The following SAMSN1 variants were observed in gnomAD, a reference collection of about 807,000 sequenced individuals.
SAMSN1 encodes the protein SAM domain, SH3 domain and nuclear localization signals 1, also known as SAM domain-containing protein SAMSN-1.
A neutral mutation model predicts 42.0 loss-of-function variants in SAMSN1; 31 were observed. The observed-to-expected ratio is 0.74, with a 90% CI of 0.55 to 1.00. SAMSN1 has a LOEUF of 1.00. Ranked by LOEUF, SAMSN1 falls within the 50% of genes least tolerant of loss-of-function variation. The pLI is 0.00. For missense variants in SAMSN1, 464 were observed against 439.4 expected, an observed-to-expected ratio of 1.06 and a Z score of -0.50; for synonymous variants, 178 against 151.9, an observed-to-expected ratio of 1.17 and a Z score of -1.26.
In SAMSN1 at chr21:14,485,777, T is replaced by C. The variant is rs1377463112; in HGVS notation, c.*135A>G. The stretch of plus-strand genomic sequence containing the variant: ...TAGAGATACAAAATTTTATGTACAA[T>C]TATTCAGATTAAAACATTTAAACTT... On this transcript the variant is annotated 3_prime_UTR_variant, in exon 8 of 8. Transcript: ENST00000400566. 8 of 647,856 alleles carry C rather than the reference T, an allele frequency of 1.2e-5. No homozygotes were observed. Among genetic ancestry groups the C allele is most frequent in the Non-Finnish European group, 2.1e-5 (8 of 378,680 alleles). 40.1% of individuals were successfully genotyped at this position (647,856 alleles called of 1,614,324 possible).
chr21:14,518,319 A>G (rs933819067), intron 2 of SAMSN1, among the ~76,000 whole-genome samples: 2 of 152,184 alleles, frequency 1.3e-5, no homozygotes, highest in Non-Finnish European at 1.5e-5. Context: ...GTCTCCCACT[A>G]TGATGCATGC....
chr21:14,581,495 A>G (rs1981728791), intron 2 of SAMSN1, among the ~76,000 whole-genome samples: 1 of 150,318 alleles, frequency 6.7e-6, no homozygotes, highest in Non-Finnish European at 1.5e-5. Flanking sequence ...AGTAGCTGGA[A>G]CTACAGGTGC....
At chr21:14,602,720 C>T (rs74560183) in intron 5 of SAMSN1, among the ~76,000 whole-genome samples, 1 of 152,274 alleles carries the variant, frequency 6.6e-6, no homozygotes, top group Non-Finnish European at 1.5e-5. Flanking sequence ...GTCACTTAAT[C>T]CAAGCCTCTT....
chr21:14,556,532 C>A (rs1000318316), intron 2 of SAMSN1, among the ~76,000 whole-genome samples: 9 of 152,142 alleles, frequency 5.9e-5, no homozygotes, highest in African/African-American at 2.2e-4. Flanking sequence ...TTAGGCTGTT[C>A]CAATTAAATG....
At chr21:14,654,891 A>G (rs1349343716) in intron 1 of SAMSN1, among the ~76,000 whole-genome samples, 1 of 151,912 alleles carries the variant, frequency 6.6e-6, no homozygotes, top group Non-Finnish European at 1.5e-5. Context: ...AGAAGAAGAA[A>G]AAGAGTTGTC....
intron 3 of SAMSN1, 92 bp from the exon 4 acceptor site, chr21:14,512,665 C>A: frequency 8.5e-7 from 1 of 1,172,920 alleles, no homozygotes; most frequent in African/African-American, 1.5e-5. Context: ...CATATTTTAG[C>A]AATAAAATAC....
chr21:14,569,750 T>A (rs1027396395), intron 2 of SAMSN1, among the ~76,000 whole-genome samples: 1 of 152,210 alleles, frequency 6.6e-6, no homozygotes, highest in Non-Finnish European at 1.5e-5. Flanking sequence ...ACAACTACTG[T>A]ATTCCTGATA....
intron 2 of SAMSN1, among the ~76,000 whole-genome samples, chr21:14,622,665 G>C (rs1983045775): frequency 6.6e-6 from 1 of 152,188 alleles, no homozygotes; most frequent in African/African-American, 2.4e-5. Flanking sequence ...GAAAGTGACG[G>C]GGAGAATGGA....
chr21:14,601,905 A>G (rs1459948277), intron 6 of SAMSN1: 4 of 403,346 alleles, frequency 9.9e-6, no homozygotes, highest in Non-Finnish European at 1.4e-5. Context: ...ACCTATAATA[A>G]CTAAATAGAA....
At chr21:14,620,061 T>G (rs1457610004) in intron 2 of SAMSN1, among the ~76,000 whole-genome samples, 1 of 152,164 alleles carries the variant, frequency 6.6e-6, no homozygotes, top group Non-Finnish European at 1.5e-5. Context: ...TATGGCCTGT[T>G]TCAGGGGAGA....
chr21:14,646,266 A>T (rs1983710970), intron 1 of SAMSN1, among the ~76,000 whole-genome samples: 1 of 152,210 alleles, frequency 6.6e-6, no homozygotes, highest in Non-Finnish European at 1.5e-5. Context: ...TCTAAAAGCC[A>T]CAAGAGAAAA....
chr21:14,500,838 G>A (rs778466994), intron 5 of SAMSN1, 103 bp from the exon 6 acceptor site: 6 of 881,680 alleles, frequency 6.8e-6, no homozygotes, highest in African/African-American at 1.7e-5. Flanking sequence ...ATGCTAAAGG[G>A]GTTCAGATAT....
intron 2 of SAMSN1, among the ~76,000 whole-genome samples, chr21:14,574,497 C>A (rs1421076655): frequency 6.6e-6 from 1 of 152,106 alleles, no homozygotes; most frequent in African/African-American, 2.4e-5. Flanking sequence ...AAGAGGGATT[C>A]TTGGTTTCCA....
At chr21:14,492,317 C>A (rs912412670) in intron 7 of SAMSN1, among the ~76,000 whole-genome samples, 7 of 152,160 alleles carry the variant, frequency 4.6e-5, no homozygotes, top group African/African-American at 1.7e-4. Flanking sequence ...TACTCGAATA[C>A]CGATCTGCTT....
chr21:14,503,481 G>A (rs1239117984), intron 5 of SAMSN1, among the ~76,000 whole-genome samples: 2 of 152,138 alleles, frequency 1.3e-5, no homozygotes, highest in Non-Finnish European at 2.9e-5. Flanking sequence ...GAATTCAGTT[G>A]AGCCCATAAT....
intron 5 of SAMSN1, among the ~76,000 whole-genome samples, chr21:14,604,561 C>T (rs1158724938): frequency 6.6e-6 from 1 of 152,012 alleles, no homozygotes; most frequent in Non-Finnish European, 1.5e-5. Flanking sequence ...AGCAAAAAAA[C>T]AAAAAAACAA....
At chr21:14,529,273 A>T (rs1979083569) in intron 1 of SAMSN1, among the ~76,000 whole-genome samples, 2 of 152,200 alleles carry the variant, frequency 1.3e-5, no homozygotes, top group African/African-American at 2.4e-5. Context: ...TTCCGATGCC[A>T]TTTAGTGAAC....
At chr21:14,580,586 A>T (rs1176371267) in intron 2 of SAMSN1, among the ~76,000 whole-genome samples, 1 of 152,236 alleles carries the variant, frequency 6.6e-6, no homozygotes, top group African/African-American at 2.4e-5. Context: ...TTAAAGAAGA[A>T]GGAGGATATT....
chr21:14,502,046 A>G (rs1296773109), intron 5 of SAMSN1, among the ~76,000 whole-genome samples: 7 of 152,240 alleles, frequency 4.6e-5, no homozygotes, highest in Non-Finnish European at 1.5e-5. Context: ...AGGACTTTAC[A>G]GATTCTAATA....
Sources: gnomAD v4.1 joint callset for allele counts (sites outside exome capture counted in the v4.1 genomes callset) on GRCh38, gnomAD v4.1.1 for gene constraint, MANE v1.5 for transcripts, NCBI Gene and HGNC (gene_info 2026-07-23, HGNC 2026-07-21) for gene names.